Variants in PRKAR2B observed in about 807,000 individuals in gnomAD.
The protein encoded by PRKAR2B is cAMP-dependent protein kinase type II-beta regulatory subunit.
Under a neutral mutation model 49.9 loss-of-function variants are expected in PRKAR2B, and 14 were observed. That is an observed-to-expected ratio of 0.28 (90% CI 0.19 to 0.44). PRKAR2B has a LOEUF of 0.44. Ranked by LOEUF, PRKAR2B falls within the 20% of genes least tolerant of loss-of-function variation. The probability of loss-of-function intolerance (pLI) is 1.00; values close to 1 mark genes in which losing one functional copy is unlikely to be tolerated. For synonymous variants in PRKAR2B, 196 were observed against 197.7 expected, an observed-to-expected ratio of 0.99 and a Z score of 0.07; for missense variants, 393 against 537.9, an observed-to-expected ratio of 0.73 and a Z score of 2.67.
At chr7:107,069,340 G>A (rs1167975671) in intron 1 of PRKAR2B, among the ~76,000 whole-genome samples, 2 of 152,162 alleles carry the variant, frequency 1.3e-5, no homozygotes, top group African/African-American at 4.8e-5. Flanking sequence ...TTTTCATGCA[G>A]TGCAATCATA....
rs559204165 is a variant in PRKAR2B at position 107,126,289 on chromosome 7, C to T, written c.397-1923C>T. Among the ~76,000 whole-genome samples the T allele has an allele frequency of 2.5e-4, 36 of 145,792 alleles. 1 individual carries two copies. In the South Asian group the frequency reaches 7.2e-3, roughly 29 times the overall value. On this transcript the variant is annotated intron_variant, in intron 3 of 10. Transcript: ENST00000265717. ...AAAAAACCAAAGCCAGGCGTGGTGGCAGGCACCTGTAGTCCCAGCTACTCA... is the reference window on the plus strand; with the variant it reads ...AAAAAACCAAAGCCAGGCGTGGTGGTAGGCACCTGTAGTCCCAGCTACTCA...
At chr7:107,104,456 T>A (rs1383900849) in intron 2 of PRKAR2B, among the ~76,000 whole-genome samples, 1 of 152,206 alleles carries the variant, frequency 6.6e-6, no homozygotes, top group Non-Finnish European at 1.5e-5. Context: ...CCCATGTATT[T>A]AACTTTTTGA....
At chr7:107,129,535 G>A (rs1467253238) in intron 4 of PRKAR2B, among the ~76,000 whole-genome samples, 3 of 152,174 alleles carry the variant, frequency 2.0e-5, no homozygotes, top group African/African-American at 7.2e-5. Context: ...AGACAAGAAT[G>A]CTTTAAGTTA....
intron 10 of PRKAR2B, among the ~76,000 whole-genome samples, chr7:107,158,852 TATG>T (rs2115686729): frequency 6.6e-6 from 1 of 152,232 alleles, no homozygotes; most frequent in East Asian, 1.9e-4. Context: ...ATGTATAGAG[TATG>T]ATCATATTTT....
intron 2 of PRKAR2B, among the ~76,000 whole-genome samples, chr7:107,112,003 C>CAAAAAAA (rs71134251): frequency 2.2e-5 from 1 of 46,178 alleles, no homozygotes; most frequent in Non-Finnish European, 3.7e-5. Context: ...CCTCCTCTAC[C>CAAAAAAA]AAAAAAAAAA....
At chr7:107,137,959 T>A (rs1160389448) in intron 4 of PRKAR2B, among the ~76,000 whole-genome samples, 1 of 152,134 alleles carries the variant, frequency 6.6e-6, no homozygotes, top group Non-Finnish European at 1.5e-5. Flanking sequence ...TGTGCCCTTT[T>A]GGTCTGAAAA....
At chr7:107,095,284 C>T (rs1298604919) in intron 2 of PRKAR2B, among the ~76,000 whole-genome samples, 1 of 152,120 alleles carries the variant, frequency 6.6e-6, no homozygotes, top group East Asian at 1.9e-4. Context: ...AATGGGAGTT[C>T]ACTCATGATT....
At chr7:107,151,853 C>G (rs1361399875) in intron 7 of PRKAR2B, among the ~76,000 whole-genome samples, 2 of 152,200 alleles carry the variant, frequency 1.3e-5, no homozygotes, top group Non-Finnish European at 2.9e-5. Flanking sequence ...CGCTTTCAAA[C>G]AACTGTAAGG....
chr7:107,156,979 A>C lies in PRKAR2B; in HGVS notation c.919-5A>C. On this transcript the variant is annotated splice_polypyrimidine_tract_variant and splice_region_variant and intron_variant, in intron 8 of 10. Coordinates refer to ENST00000265717, the MANE Select transcript of PRKAR2B (RefSeq NM_002736.3). ...ACCGTCTGTTTTTGTTATTGATTCC[A>C]ATAGGGAGATTCGGCTGATTCTTTT... 6.2e-7 allele frequency: 1 copy of C among 1,605,694 alleles called. No homozygotes were observed. The highest frequency in any genetic ancestry group is 8.5e-7 in the Non-Finnish European group (1 of 1,172,596).
intron 10 of PRKAR2B, among the ~76,000 whole-genome samples, chr7:107,158,944 G>A (rs1308847939): frequency 6.6e-6 from 1 of 152,134 alleles, no homozygotes; most frequent in Admixed American, 6.5e-5. Context: ...ACTTATAGAA[G>A]TAAACAAAAG....
chr7:107,094,303 G>A (rs1312411100), intron 2 of PRKAR2B, among the ~76,000 whole-genome samples: 1 of 152,178 alleles, frequency 6.6e-6, no homozygotes, highest in African/African-American at 2.4e-5. Flanking sequence ...CTGCATAAAT[G>A]TCTTCTTTTG....
At chr7:107,136,521 A>G (rs1166692511) in intron 4 of PRKAR2B, among the ~76,000 whole-genome samples, 1 of 152,212 alleles carries the variant, frequency 6.6e-6, no homozygotes, top group African/African-American at 2.4e-5. Flanking sequence ...ACCTCACTGA[A>G]GAAGATATAC....
rs904913554 is a variant in PRKAR2B, at chr7:107,082,642, C to T, written c.343+12326C>T. Among the ~76,000 whole-genome samples, 6 of 152,288 alleles carry T rather than the reference C, an allele frequency of 3.9e-5. No individual in the cohort carries two copies. In the East Asian group the frequency reaches 9.7e-4, roughly 25 times the overall value. On this transcript the variant is annotated intron_variant, in intron 2 of 10. Coordinates refer to ENST00000265717, the MANE Select transcript of PRKAR2B (RefSeq NM_002736.3). ...ATGGAGTCTCGCTCTGTCGCCCAGGCTGGAGTGCAGCGGTGCAGTTGGCTC... is the reference window on the plus strand; with the variant it reads ...ATGGAGTCTCGCTCTGTCGCCCAGGTTGGAGTGCAGCGGTGCAGTTGGCTC...
chr7:107,160,302 A>G lies in PRKAR2B; in HGVS notation c.*720A>G, dbSNP rs1796175507. 2 of 152,478 alleles carry G rather than the reference A, an allele frequency of 1.3e-5. No individual in the cohort carries two copies. The highest frequency in any genetic ancestry group is 4.1e-4 in the South Asian group (2 of 4,830). The allele number at this position is 152,478 out of a possible 1,614,324, so 9.4% of individuals were successfully genotyped here. On this transcript the variant is annotated 3_prime_UTR_variant, in exon 11 of 11. Transcript: ENST00000265717. Reference sequence around the variant, plus strand: ...TTAATGCATTTTTCCCTCATCAAGCATATATCTGCTTTTTTTTATTTTGCA... The same window carrying G: ...TTAATGCATTTTTCCCTCATCAAGCGTATATCTGCTTTTTTTTATTTTGCA...
intron 2 of PRKAR2B, among the ~76,000 whole-genome samples, chr7:107,104,198 A>T (rs1157577962): frequency 2.0e-5 from 3 of 151,094 alleles, no homozygotes; most frequent in East Asian, 2.0e-4. Flanking sequence ...TGCCCGGCAA[A>T]TTTTTTTTTG....
chr7:107,095,212 A>G (rs376195731), intron 2 of PRKAR2B, among the ~76,000 whole-genome samples: 55 of 152,116 alleles, frequency 3.6e-4, no homozygotes, highest in Non-Finnish European at 6.8e-4. Flanking sequence ...TCCTTGAAGA[A>G]GTCCTTCACA....
intron 1 of PRKAR2B, among the ~76,000 whole-genome samples, chr7:107,053,831 A>G (rs1468034962): frequency 6.6e-6 from 1 of 152,136 alleles, no homozygotes; most frequent in Non-Finnish European, 1.5e-5. Context: ...AAATTATGGA[A>G]ATACCAGTCA....
At chr7:107,072,081 TAATAAAA>T (rs1562846923) in intron 2 of PRKAR2B, among the ~76,000 whole-genome samples, 1 of 143,544 alleles carries the variant, frequency 7.0e-6, no homozygotes, top group East Asian at 2.0e-4. Flanking sequence ...AAAAAAAAAA[TAATAAAA>T]AATAAAAATA....
chr7:107,075,707 CAG>C (rs1486035400), intron 2 of PRKAR2B, among the ~76,000 whole-genome samples: 1 of 152,054 alleles, frequency 6.6e-6, no homozygotes, highest in African/African-American at 2.4e-5. Flanking sequence ...AAGCCCCCAG[CAG>C]AGAGTCTAGG....
Sources: allele counts gnomAD v4.1 joint callset (sites outside exome capture counted in the v4.1 genomes callset), GRCh38; gene constraint gnomAD v4.1.1; transcripts MANE v1.5; gene names NCBI Gene and HGNC (gene_info 2026-07-23, HGNC 2026-07-21).